Variants in LYN observed in about 807,000 individuals in gnomAD.
The protein encoded by LYN is LYN proto-oncogene, Src family tyrosine kinase.
In LYN, 12 loss-of-function variants were observed where a neutral mutation model predicts 65.0. The observed-to-expected ratio is 0.18, with a 90% CI of 0.12 to 0.30. The LOEUF is 0.30. Ranked by LOEUF, LYN falls within the 10% of genes least tolerant of loss-of-function variation. LYN has a pLI of 1.00. For missense variants in LYN, 380 were observed against 623.2 expected, an observed-to-expected ratio of 0.61 and a Z score of 4.16; for synonymous variants, 222 against 221.2, an observed-to-expected ratio of 1.00 and a Z score of -0.03.
chr8:56,002,050 G>T (rs1172412256), intron 12 of LYN, among the ~76,000 whole-genome samples: 4 of 152,190 alleles, frequency 2.6e-5, no homozygotes, highest in Non-Finnish European at 5.9e-5. Flanking sequence ...GGAGGCTGAG[G>T]CAGGTGGATC....
intron 10 of LYN, among the ~76,000 whole-genome samples, chr8:55,975,534 A>G (rs541945346): frequency 6.6e-6 from 1 of 152,354 alleles, no homozygotes; most frequent in Non-Finnish European, 1.5e-5. Context: ...TGACATTGAT[A>G]TAAGATTTTA....
At chr8:56,003,929 T>C (rs1335586352) in intron 12 of LYN, among the ~76,000 whole-genome samples, 1 of 41,460 alleles carries the variant, frequency 2.4e-5, no homozygotes, top group East Asian at 2.7e-4. Context: ...TATTTTATTC[T>C]TTTTTTTTTT....
At position 55,880,043 on chromosome 8, in the gene LYN, C is replaced by T; in HGVS notation, c.-66C>T. 1 of 313,882 alleles carries T rather than the reference C, an allele frequency of 3.2e-6. No homozygotes were observed. Among genetic ancestry groups the T allele is most frequent in the Non-Finnish European group, 6.5e-6 (1 of 154,622 alleles). 19.4% of individuals were successfully genotyped at this position (313,882 alleles called of 1,614,324 possible). A position where few individuals can be genotyped will look rare whatever the true frequency, so the allele number is the denominator to read the frequency against. On this transcript the variant is annotated 5_prime_UTR_variant, in exon 1 of 13. Transcript: ENST00000519728. ...TCCTGCTGGGCCGCCCCGTCGCGCCCCCCACTCTGAACTCAAGTCACCGTG... is the reference window on the plus strand; with the variant it reads ...TCCTGCTGGGCCGCCCCGTCGCGCCTCCCACTCTGAACTCAAGTCACCGTG...
intron 1 of LYN, among the ~76,000 whole-genome samples, chr8:55,927,460 G>A (rs552693009): frequency 4.5e-4 from 68 of 152,260 alleles, no homozygotes; most frequent in African/African-American, 1.5e-3. Context: ...CTGTTGTCTG[G>A]ATATAAAATG....
chr8:55,885,756 C>T (rs375678561), intron 1 of LYN, among the ~76,000 whole-genome samples: 3 of 152,304 alleles, frequency 2.0e-5, no homozygotes, highest in Non-Finnish European at 2.9e-5. Flanking sequence ...AGCTGTGTCA[C>T]GGAGAGCAGA....
chr8:55,971,440 C>T (rs1228639190), intron 10 of LYN, among the ~76,000 whole-genome samples: 1 of 152,206 alleles, frequency 6.6e-6, no homozygotes, highest in Non-Finnish European at 1.5e-5. Flanking sequence ...AGGCCCTCTA[C>T]TCAGGTGGTG....
Position 55,944,065 on chromosome 8 carries a change from G to A in LYN, c.132+2074G>A, listed in dbSNP as rs575780285. 2.1e-3 allele frequency among the ~76,000 whole-genome samples: 317 copies of A among 152,158 alleles called. 4 individuals carry two copies. In the South Asian group the frequency reaches 0.028, roughly 14 times the overall value. On this transcript the variant is annotated intron_variant, in intron 2 of 12. Coordinates refer to ENST00000519728, the MANE Select transcript of LYN (RefSeq NM_002350.4). The stretch of plus-strand genomic sequence containing the variant: ...GATCACGCCACTGCACTCCAGCCTG[G>A]GTTACAGAGCGAGAGTCTCCAAAAA...
At chr8:55,890,085 TG>T in intron 1 of LYN, among the ~76,000 whole-genome samples, 1 of 117,106 alleles carries the variant, frequency 8.5e-6, no homozygotes, top group South Asian at 2.7e-4. Flanking sequence ...AAGGCCAGCC[TG>T]GGCAATAAAG....
At chr8:55,923,138 G>C (rs1212848013) in intron 1 of LYN, among the ~76,000 whole-genome samples, 3 of 152,178 alleles carry the variant, frequency 2.0e-5, no homozygotes. Flanking sequence ...ACAATTTTCA[G>C]TAAGGAAGAT....
rs541271233 is a variant in LYN at position 55,879,931 on chromosome 8, G to C, written c.-178G>C. On this transcript the variant is annotated 5_prime_UTR_variant, in exon 1 of 13. Transcript: ENST00000519728. ...CTGCAGCCTCCAGCCCGCGGCAAGC[G>C]GGGCGGCCGCGCCACCCCCGGCCCC... 1 of 200,464 alleles carries C rather than the reference G, an allele frequency of 5.0e-6. No individual in the cohort carries two copies. The highest frequency in any genetic ancestry group is 2.4e-5 in the African/African-American group (1 of 41,818). 12.4% of individuals were successfully genotyped at this position (200,464 alleles called of 1,614,324 possible).
At chr8:56,007,858 G>A (rs1222426574) in intron 12 of LYN, among the ~76,000 whole-genome samples, 1 of 152,040 alleles carries the variant, frequency 6.6e-6, no homozygotes, top group Admixed American at 6.5e-5. Context: ...AGTGGCTCCC[G>A]CTTTTAATCC....
intron 8 of LYN, among the ~76,000 whole-genome samples, chr8:55,966,137 T>C (rs1191012639): frequency 1.3e-5 from 2 of 151,968 alleles, no homozygotes; most frequent in East Asian, 3.9e-4. Flanking sequence ...AATAAATAAA[T>C]AAATATTAGC....
chr8:56,008,834 T>C (rs1808741515), intron 12 of LYN, among the ~76,000 whole-genome samples: 1 of 152,226 alleles, frequency 6.6e-6, no homozygotes, highest in Non-Finnish European at 1.5e-5. Flanking sequence ...TAACTGCGTC[T>C]GTGAAGTAGC....
rs745527308 is a variant in LYN at position 56,009,937 on chromosome 8, C to T, written c.1366C>T (p.Leu456=). ...AACTAATGCCGACGTGATGACCGCC[C>T]TGTCCCAGGGCTACAGGATGCCCCG... ...GRTNADVMTA[L]SQGYRMPRVE... Residue 456 remains leucine, a synonymous_variant, in exon 13 of 13, where the codon CTG becomes TTG. Coordinates refer to ENST00000519728, the MANE Select transcript of LYN (RefSeq NM_002350.4). The T allele has an allele frequency of 6.2e-7, 1 of 1,613,884 alleles. No individual in the cohort carries two copies. Among genetic ancestry groups the T allele is most frequent in the African/African-American group, 1.3e-5 (1 of 74,924 alleles).
chr8:55,911,278 TATATA>T (rs1369362058), intron 1 of LYN, among the ~76,000 whole-genome samples: 3 of 50,536 alleles, frequency 5.9e-5, no homozygotes, highest in African/African-American at 1.4e-4. Flanking sequence ...TATATATATA[TATATA>T]TATTTTTTTT....
chr8:55,990,430 G>T (rs540617925), intron 10 of LYN, among the ~76,000 whole-genome samples: 1 of 152,122 alleles, frequency 6.6e-6, no homozygotes, highest in Admixed American at 6.5e-5. Flanking sequence ...GTCTCTTATG[G>T]GACCTTAAAA....
chr8:55,887,741 C>A (rs142191333), intron 1 of LYN, among the ~76,000 whole-genome samples: 4 of 151,496 alleles, frequency 2.6e-5, no homozygotes, highest in Non-Finnish European at 5.9e-5. Context: ...TCCTGAGTAG[C>A]TGGAATTACA....
chr8:55,929,045 A>G (rs533523456), intron 1 of LYN, among the ~76,000 whole-genome samples: 1 of 152,302 alleles, frequency 6.6e-6, no homozygotes, highest in African/African-American at 2.4e-5. Context: ...CTTATTGAAA[A>G]AAATATCCTT....
chr8:55,892,505 A>G (rs1209960382), intron 1 of LYN, among the ~76,000 whole-genome samples: 2 of 152,198 alleles, frequency 1.3e-5, no homozygotes, highest in Non-Finnish European at 2.9e-5. Context: ...TAATATTTCT[A>G]GCCATGCACT....
Sources: allele counts gnomAD v4.1 joint callset (sites outside exome capture counted in the v4.1 genomes callset), GRCh38; gene constraint gnomAD v4.1.1; transcripts MANE v1.5; gene names NCBI Gene and HGNC (gene_info 2026-07-23, HGNC 2026-07-21).